Variants in DNAH8 observed in about 807,000 individuals in gnomAD.
DNAH8 encodes axonemal beta dynein heavy chain 8.
In DNAH8, 382 loss-of-function variants were observed where a neutral mutation model predicts 562.1. That is an observed-to-expected ratio of 0.68 (90% CI 0.63 to 0.74). The LOEUF is 0.74. Among genes scored for constraint, DNAH8 ranks in the 30% least tolerant of loss-of-function variants. DNAH8 has a pLI of 0.00. For synonymous variants in DNAH8, 1,881 were observed against 1,919.4 expected (o/e 0.98, Z 0.52); for missense variants, 5,203 against 5,620.4 (o/e 0.93, Z 2.37).
intron 28 of DNAH8, among the ~76,000 whole-genome samples, chr6:38,825,620 C>A (rs937903101): frequency 1.3e-5 from 2 of 152,082 alleles, no homozygotes; most frequent in Admixed American, 6.6e-5. Context: ...TTCAAACTCT[C>A]AAGAAAAGAC....
At chr6:38,958,219 A>T (rs1013720431) in intron 82 of DNAH8, among the ~76,000 whole-genome samples, 2 of 151,688 alleles carry the variant, frequency 1.3e-5, no homozygotes, top group Non-Finnish European at 2.9e-5. Context: ...GTTAGCCAGG[A>T]TGATATAGAT....
chr6:38,972,422 T>A (rs184561764), intron 83 of DNAH8, among the ~76,000 whole-genome samples: 1 of 152,310 alleles, frequency 6.6e-6, no homozygotes. Context: ...GCCCTAAGCC[T>A]CAATCTTTAT....
rs1057145512 is a variant in DNAH8 at position 38,914,081 on chromosome 6, A to C, written c.9963+129A>C. 6 of 659,254 alleles carry C rather than the reference A, an allele frequency of 9.1e-6. No individual in the cohort carries two copies. In the East Asian group the frequency reaches 1.4e-4, roughly 16 times the overall value. 40.8% of individuals were successfully genotyped at this position (659,254 alleles called of 1,614,324 possible). ...CAATTCCTGATAAGATAGTGTTCACAAAGACCATTAGACATTTTTGTTTAA... is the reference window on the plus strand; with the variant it reads ...CAATTCCTGATAAGATAGTGTTCACCAAGACCATTAGACATTTTTGTTTAA... On this transcript the variant is annotated intron_variant, in intron 67 of 92. Coordinates refer to ENST00000327475, the MANE Select transcript of DNAH8 (RefSeq NM_001206927.2).
intron 8 of DNAH8, among the ~76,000 whole-genome samples, chr6:38,749,465 A>G (rs537853177): frequency 2.6e-5 from 4 of 152,010 alleles, no homozygotes; most frequent in South Asian, 2.1e-4. Context: ...TAGGGGCAGC[A>G]AACCACCATG....
chr6:38,762,450 A>G (rs948156002), intron 11 of DNAH8, among the ~76,000 whole-genome samples: 1 of 152,164 alleles, frequency 6.6e-6, no homozygotes, highest in Non-Finnish European at 1.5e-5. Flanking sequence ...TTATCTTTTT[A>G]AAAAACACTC....
intron 77 of DNAH8, 85 bp from the exon 78 acceptor site, chr6:38,937,889 G>C: frequency 1.4e-6 from 2 of 1,402,498 alleles, no homozygotes; most frequent in East Asian, 4.6e-5. Flanking sequence ...AAAGCTAACA[G>C]CGTTTTTTTT....
Position 38,826,448 on chromosome 6 carries a change from A to G in DNAH8, c.4083+57A>G, listed in dbSNP as rs1249091844. On this transcript the variant is annotated intron_variant, in intron 29 of 92. Transcript: ENST00000327475. ...ATGCTTTTTTGTTTTTTAAAGAAAT[A>G]GAGACACACTAAGAAAGTGATTCTT... The G allele has an allele frequency of 5.7e-6, 6 of 1,055,356 alleles. No homozygotes were observed. In the African/African-American group the frequency reaches 9.6e-5, roughly 17 times the overall value. 65.4% of individuals were successfully genotyped at this position (1,055,356 alleles called of 1,614,324 possible).
At chr6:38,999,471 A>G (rs925192888) in intron 88 of DNAH8, among the ~76,000 whole-genome samples, 4 of 151,498 alleles carry the variant, frequency 2.6e-5, no homozygotes, top group Non-Finnish European at 4.4e-5. Flanking sequence ...ATGGAAATTT[A>G]CTGTGGTTTT....
chr6:39,025,727 A>G (rs1413771639), intron 91 of DNAH8, among the ~76,000 whole-genome samples: 1 of 152,246 alleles, frequency 6.6e-6, no homozygotes, highest in Admixed American at 6.5e-5. Context: ...AGTAGCGGGA[A>G]CACACACATT....
chr6:38,980,922 C>G (rs1684573793), intron 85 of DNAH8, among the ~76,000 whole-genome samples: 1 of 151,710 alleles, frequency 6.6e-6, no homozygotes. Context: ...ATGAACTTGT[C>G]CCAACAAAAA....
chr6:38,880,825 C>A (rs1008388876), intron 53 of DNAH8, among the ~76,000 whole-genome samples: 2 of 152,144 alleles, frequency 1.3e-5, no homozygotes, highest in Non-Finnish European at 2.9e-5. Flanking sequence ...GTCAGCACTT[C>A]GAGACCAGCC....
At chr6:38,737,405 C>T (rs986436750) in intron 6 of DNAH8, 149 bp downstream of exon 6, 3 of 449,350 alleles carry the variant, frequency 6.7e-6, no homozygotes, top group Non-Finnish European at 1.1e-5. Context: ...CATTAGAACT[C>T]ATTTTTGAGG....
intron 10 of DNAH8, among the ~76,000 whole-genome samples, chr6:38,760,778 A>T (rs926632902): frequency 9.2e-5 from 14 of 152,094 alleles, no homozygotes; most frequent in Admixed American, 7.9e-4. Context: ...GCTTGCTCTC[A>T]TATGAGGCCA....
chr6:38,929,396 C>T, intron 74 of DNAH8, 115 bp from the exon 75 acceptor site: 2 of 1,056,132 alleles, frequency 1.9e-6, no homozygotes, highest in Non-Finnish European at 2.6e-6. Flanking sequence ...TTAAGTAAGT[C>T]TTCTTCTATT....
chr6:38,836,423 G>A lies in DNAH8; in HGVS notation c.4366-1519G>A, dbSNP rs940160489. Among the ~76,000 whole-genome samples the A allele has an allele frequency of 2.0e-5, 3 of 146,754 alleles. No homozygotes were observed. In the South Asian group the frequency reaches 6.7e-4, roughly 33 times the overall value. On this transcript the variant is annotated intron_variant, in intron 32 of 92. Coordinates refer to ENST00000327475, the MANE Select transcript of DNAH8 (RefSeq NM_001206927.2). ...GATTGCACCACTGCACTCCAGCCTG[G>A]GCAAGAGAGCAAGACTCCATCTCAA...
Position 38,924,055 on chromosome 6 carries a change from T to A in DNAH8, c.10855T>A (p.Phe3619Ile), listed in dbSNP as rs535271872. ...CTACCTTGGTCCTTTCAATCAGATATTTAGGAACTATTTGCTTAAAGATCA... is the reference window on the plus strand; with the variant it reads ...CTACCTTGGTCCTTTCAATCAGATAATTAGGAACTATTTGCTTAAAGATCA... ...LSYLGPFNQIFRNYLLKDQWE... is the reference protein window; with the variant it reads ...LSYLGPFNQIIRNYLLKDQWE... The change falls in exon 73 of 93, where the codon TTT becomes ATT. Residue 3619 changes from phenylalanine (F) to isoleucine (I), a missense_variant. This residue lies in a region of DNAH8 where 1,399 missense variants were observed against 1,518.4 expected (regional missense o/e 0.92). Transcript: ENST00000327475. 1.9e-6 allele frequency: 3 copies of A among 1,613,948 alleles called. No individual in the cohort carries two copies. The South Asian group carries it at 3.3e-5, about 18-fold the overall frequency.
rs1282003175 is a variant in DNAH8, at chr6:38,891,410, TGTC to T, written c.8583+652_8583+654del. ...AGCCATGAAGGAGATAAGGATTAGTTGTCGTAATTCACTACACATCCATTAGGC... is the reference window on the plus strand; with the variant it reads ...AGCCATGAAGGAGATAAGGATTAGTTGTAATTCACTACACATCCATTAGGC... On this transcript the variant is annotated intron_variant, in intron 58 of 92. Coordinates refer to ENST00000327475, the MANE Select transcript of DNAH8 (RefSeq NM_001206927.2). 4.6e-5 allele frequency among the ~76,000 whole-genome samples: 7 copies of T among 152,232 alleles called. No individual in the cohort carries two copies. The East Asian group carries it at 9.6e-4, about 21-fold the overall frequency.
rs1770199800 is a variant in DNAH8, at chr6:38,795,800, G to A, written c.2901+4126G>A. 3.9e-5 allele frequency among the ~76,000 whole-genome samples: 6 copies of A among 152,266 alleles called. No individual in the cohort carries two copies. The South Asian group carries it at 1.2e-3, about 32-fold the overall frequency. ...TGGATCACACTCCTGACTGCAATCA[G>A]TTTTGGAAACACAATATATGTAACA... On this transcript the variant is annotated intron_variant, in intron 21 of 92. Coordinates refer to ENST00000327475, the MANE Select transcript of DNAH8 (RefSeq NM_001206927.2).
chr6:38,896,602 C>CA (rs1472919807), intron 60 of DNAH8, among the ~76,000 whole-genome samples: 5 of 148,762 alleles, frequency 3.4e-5, no homozygotes, highest in East Asian at 4.0e-4. Flanking sequence ...AACAAACAAA[C>CA]AAACAAAAAA....
Sources: allele counts gnomAD v4.1 joint callset (sites outside exome capture counted in the v4.1 genomes callset), GRCh38; gene constraint gnomAD v4.1.1; regional missense constraint gnomAD v4.1.1; transcripts MANE v1.5; gene names NCBI Gene and HGNC (gene_info 2026-07-23, HGNC 2026-07-21).